Variants in FILIP1L observed in about 807,000 individuals in gnomAD.
The protein encoded by FILIP1L is filamin A interacting protein 1 like.
In FILIP1L, 55 loss-of-function variants were observed where a neutral mutation model predicts 96.6. That is an observed-to-expected ratio of 0.57 (90% CI 0.46 to 0.71). The LOEUF is 0.71. Among genes scored for constraint, FILIP1L ranks in the 30% least tolerant of loss-of-function variants. The pLI, the probability that FILIP1L is intolerant of heterozygous loss-of-function variation, is 0.00. For missense variants in FILIP1L, 1,304 were observed against 1,321.2 expected (o/e 0.99, Z 0.20); for synonymous variants, 467 against 473.9 (o/e 0.99, Z 0.19).
intron 1 of FILIP1L, among the ~76,000 whole-genome samples, chr3:100,019,472 A>T (rs1236664160): frequency 6.6e-6 from 1 of 152,240 alleles, no homozygotes; most frequent in African/African-American, 2.4e-5. Flanking sequence ...AAATAATCTT[A>T]AAGTTCTTTA....
chr3:99,960,085 G>A (rs761122022), intron 1 of FILIP1L, among the ~76,000 whole-genome samples: 5 of 151,992 alleles, frequency 3.3e-5, no homozygotes, highest in African/African-American at 7.2e-5. Context: ...ATGTTATAAC[G>A]ATTGGCTCCA....
intron 1 of FILIP1L, among the ~76,000 whole-genome samples, chr3:100,037,470 A>ATG (rs1559734999): frequency 2.0e-5 from 3 of 151,982 alleles, no homozygotes; most frequent in Non-Finnish European, 4.4e-5. Context: ...ACACACACGC[A>ATG]CATTGTTATC....
At chr3:99,840,904 G>A (rs1162563124) in intron 5 of FILIP1L, among the ~76,000 whole-genome samples, 2 of 152,186 alleles carry the variant, frequency 1.3e-5, no homozygotes, top group Admixed American at 1.3e-4. Context: ...TTAATCTACT[G>A]TGGTCTTCCT....
At position 99,924,303 on chromosome 3, in the gene FILIP1L, C is replaced by G; in HGVS notation, c.532G>C (p.Glu178Gln). Reference protein sequence around the residue: ...RRQTILELEEEKRKHKEYMEK... With the variant: ...RRQTILELEEQKRKHKEYMEK... ...ATGTATTCTTTATGTTTTCTCTTTT[C>G]TTCCTCCAACTCCAATATGGTTTGC... The change falls in exon 4 of 6, where the codon GAA becomes CAA. Residue 178 changes from glutamate to glutamine, a missense_variant. Transcript: ENST00000477258. 1 of 1,614,008 alleles carries G rather than the reference C, an allele frequency of 6.2e-7. No homozygotes were observed. Among genetic ancestry groups the G allele is most frequent in the Non-Finnish European group, 8.5e-7 (1 of 1,179,938 alleles).
At chr3:100,031,592 G>C (rs1163946375) in intron 1 of FILIP1L, among the ~76,000 whole-genome samples, 1 of 152,084 alleles carries the variant, frequency 6.6e-6, no homozygotes, top group Admixed American at 6.6e-5. Context: ...CAAGACCTGA[G>C]ACCCGCATCC....
At chr3:100,036,797 C>A (rs1019895939) in intron 1 of FILIP1L, among the ~76,000 whole-genome samples, 1 of 151,938 alleles carries the variant, frequency 6.6e-6, no homozygotes, top group African/African-American at 2.4e-5. Context: ...ACACTTTAAC[C>A]AAGTGATCAA....
rs118019222 is a variant in FILIP1L, at chr3:99,952,885, A to T, written c.-10-21855T>A. On this transcript the variant is annotated intron_variant, in intron 1 of 5. Transcript: ENST00000477258. ...ATTGTTTTTCTGCATAATGAAAAAAAGAATGCTATAGAGGTATACCCCCAA... is the reference window on the plus strand; with the variant it reads ...ATTGTTTTTCTGCATAATGAAAAAATGAATGCTATAGAGGTATACCCCCAA... Among the ~76,000 whole-genome samples, 24 of 152,306 alleles carry T rather than the reference A, an allele frequency of 1.6e-4. No individual in the cohort carries two copies. The East Asian group carries it at 4.6e-3, about 29-fold the overall frequency.
chr3:99,906,174 G>A (rs558786460), intron 4 of FILIP1L, among the ~76,000 whole-genome samples: 186 of 152,210 alleles, frequency 1.2e-3, no homozygotes, highest in African/African-American at 4.2e-3. Context: ...ATCCACCCTG[G>A]GTGACAGGGC....
intron 1 of FILIP1L, among the ~76,000 whole-genome samples, chr3:100,046,026 CTTTG>C (rs1559738171): frequency 6.6e-6 from 1 of 152,094 alleles, no homozygotes; most frequent in African/African-American, 2.4e-5. Flanking sequence ...CACATGCTTG[CTTTG>C]TTTGTTTATT....
intron 1 of FILIP1L, among the ~76,000 whole-genome samples, chr3:100,002,419 A>G (rs1160969561): frequency 6.6e-6 from 1 of 152,182 alleles, no homozygotes; most frequent in Non-Finnish European, 1.5e-5. Context: ...CTATAATCTC[A>G]GGAGTGAATA....
At chr3:100,059,558 G>T (rs1014668631) in intron 1 of FILIP1L, among the ~76,000 whole-genome samples, 15 of 152,294 alleles carry the variant, frequency 9.8e-5, no homozygotes, top group African/African-American at 3.6e-4. Context: ...AAGGGTAGAG[G>T]GTGTAGTTCA....
intron 4 of FILIP1L, among the ~76,000 whole-genome samples, chr3:99,882,336 A>G (rs1705756365): frequency 6.6e-6 from 1 of 152,136 alleles, no homozygotes; most frequent in Non-Finnish European, 1.5e-5. Context: ...TTTGTCTGGC[A>G]ACTTCTTCCA....
At position 99,849,122 on chromosome 3, in the gene FILIP1L, A is replaced by C. The variant is rs754626600; in HGVS notation, c.2554T>G (p.Ser852Ala). 3 of 1,613,964 alleles carry C rather than the reference A, an allele frequency of 1.9e-6. No homozygotes were observed. The South Asian group carries it at 3.3e-5, about 18-fold the overall frequency. The change falls in exon 5 of 6, where the codon TCT becomes GCT. Residue 852 changes from serine (S) to alanine (A), a missense_variant. Physicochemically the swap from Ser to Ala is moderately conservative, Grantham distance 99. Coordinates refer to ENST00000477258, the MANE Select transcript of FILIP1L (RefSeq NM_001387850.1). Reference sequence around the variant, plus strand: ...TTTCTGTTAACAGGACATGGAGTAGACTGGCTGCATTTGAAGGACAGCACA... The same window carrying C: ...TTTCTGTTAACAGGACATGGAGTAGCCTGGCTGCATTTGAAGGACAGCACA... ...GSVLSFKCSQ[S>A]TPCPVNRKLW... is the part of the protein sequence containing the mutation.
At position 99,986,054 on chromosome 3, in the gene FILIP1L, A is replaced by G. The variant is rs377582948; in HGVS notation, c.-10-55024T>C. 3.9e-5 allele frequency among the ~76,000 whole-genome samples: 6 copies of G among 152,366 alleles called. No homozygotes were observed. The East Asian group carries it at 7.7e-4, about 20-fold the overall frequency. On this transcript the variant is annotated intron_variant, in intron 1 of 5. Coordinates refer to ENST00000477258, the MANE Select transcript of FILIP1L (RefSeq NM_001387850.1). ...CAAGTCAACAGCAAGAAGTTTATTC[A>G]CAGATAAATTAATGTCTATAAGATA...
chr3:99,863,944 T>C (rs1402845496), intron 4 of FILIP1L, among the ~76,000 whole-genome samples: 1 of 152,224 alleles, frequency 6.6e-6, no homozygotes, highest in Non-Finnish European at 1.5e-5. Context: ...TGGAGATCTT[T>C]CCATTGGATC....
chr3:99,924,411 A>G lies in FILIP1L; in HGVS notation c.427-3T>C. ...TGTTTTTCCACAACTTTGTCCAACT[A>G]CGAAAGAAAACATTTATAGCCTGTT... is the stretch of plus-strand genomic sequence containing the variant. On this transcript the variant is annotated splice_polypyrimidine_tract_variant and splice_region_variant and intron_variant, in intron 3 of 5. Coordinates refer to ENST00000477258, the MANE Select transcript of FILIP1L (RefSeq NM_001387850.1). 1.2e-6 allele frequency: 2 copies of G among 1,613,400 alleles called. No individual in the cohort carries two copies. Among genetic ancestry groups the G allele is most frequent in the Non-Finnish European group, 1.7e-6 (2 of 1,179,680 alleles).
intron 4 of FILIP1L, among the ~76,000 whole-genome samples, chr3:99,855,603 C>A (rs146491999): frequency 3.9e-5 from 6 of 152,328 alleles, no homozygotes; most frequent in African/African-American, 1.4e-4. Context: ...CAAACCATTG[C>A]ATAGGGCTGG....
At chr3:100,037,956 T>TGG (rs1313968492) in intron 1 of FILIP1L, among the ~76,000 whole-genome samples, 1 of 87,814 alleles carries the variant, frequency 1.1e-5, no homozygotes, top group African/African-American at 4.1e-5. Flanking sequence ...TTTTTTTTTT[T>TGG]GGGGGGGGAG....
chr3:99,968,317 T>C (rs1390988495), intron 1 of FILIP1L, among the ~76,000 whole-genome samples: 1 of 152,062 alleles, frequency 6.6e-6, no homozygotes, highest in African/African-American at 2.4e-5. Context: ...GCCTAAATTG[T>C]ACTTAGGGGT....
Sources: allele counts gnomAD v4.1 joint callset (sites outside exome capture counted in the v4.1 genomes callset), GRCh38; gene constraint gnomAD v4.1.1; transcripts MANE v1.5; gene names NCBI Gene and HGNC (gene_info 2026-07-23, HGNC 2026-07-21).